The following SSBP1 variants were observed in gnomAD, a reference collection of about 807,000 sequenced individuals.
The protein encoded by SSBP1 is single-stranded DNA-binding protein, mitochondrial.
SSBP1 carries 20 observed loss-of-function variants against 27.0 expected under a neutral mutation model. The observed-to-expected ratio is 0.74, with a 90% confidence interval of 0.52 to 1.08. SSBP1 has a LOEUF of 1.08. SSBP1 is among the 50% of genes least tolerant of loss of function. The pLI is 0.00. For synonymous variants in SSBP1, 59 were observed against 59.3 expected, an observed-to-expected ratio of 1.00 and a Z score of 0.02; for missense variants, 137 against 182.4, an observed-to-expected ratio of 0.75 and a Z score of 1.44.
intron 2 of SSBP1, chr7:141,741,690 A>G (rs1799538396): frequency 1.2e-6 from 1 of 831,722 alleles, no homozygotes; most frequent in South Asian, 5.5e-5. Context: ...AAAAAAAAAA[A>G]TTAGAGGATG....
At position 141,750,440 on chromosome 7, in the gene SSBP1, T is replaced by A; in HGVS notation, c.*86T>A. The A allele has an allele frequency of 9.1e-7, 1 of 1,102,936 alleles. No homozygotes were observed. Among genetic ancestry groups the A allele is most frequent in the Non-Finnish European group, 1.3e-6 (1 of 768,120 alleles). The allele number at this position is 1,102,936 out of a possible 1,614,324, so 68.3% of individuals were successfully genotyped here. On this transcript the variant is annotated 3_prime_UTR_variant, in exon 7 of 7. Coordinates refer to ENST00000265304, the MANE Select transcript of SSBP1 (RefSeq NM_003143.3). ...CTTTATGGCTTCCAAGGACAAGAAT[T>A]AAAATACTCTTTTACGTAAAATGAG...
At chr7:141,742,128 C>T in intron 2 of SSBP1, 41 bp from the exon 3 acceptor site, 1 of 1,498,672 alleles carries the variant, frequency 6.7e-7, no homozygotes, top group African/African-American at 1.4e-5. Context: ...TTTGCCTTTC[C>T]TAAAAAATTA....
chr7:141,747,496 T>A (rs541700478), intron 6 of SSBP1, among the ~76,000 whole-genome samples: 162 of 150,700 alleles, frequency 1.1e-3, no homozygotes, highest in Admixed American at 2.7e-3. Context: ...TTCAAGCGAT[T>A]CTCCTGCCTC....
intron 5 of SSBP1, among the ~76,000 whole-genome samples, chr7:141,744,714 A>G (rs1234121154): frequency 2.0e-5 from 3 of 152,194 alleles, no homozygotes; most frequent in Non-Finnish European, 2.9e-5. Flanking sequence ...ATTGCCCTTT[A>G]TGTATGTTTA....
intron 2 of SSBP1, chr7:141,741,776 TTGG>T (rs1799542501): frequency 1.0e-6 from 1 of 999,756 alleles, no homozygotes; most frequent in African/African-American, 1.7e-5. Flanking sequence ...TTGAAAATAC[TTGG>T]CAGCAACTCT....
intron 2 of SSBP1, chr7:141,740,077 T>C (rs1475730118): frequency 1.3e-5 from 2 of 152,228 alleles, no homozygotes; most frequent in Non-Finnish European, 2.9e-5. Flanking sequence ...GAGACATTGT[T>C]ATTATAAATC....
chr7:141,743,153 A>T (rs1799628757), intron 3 of SSBP1, among the ~76,000 whole-genome samples: 1 of 152,186 alleles, frequency 6.6e-6, no homozygotes, highest in Non-Finnish European at 1.5e-5. Context: ...GCGCCCAGCC[A>T]GGTGTGGATT....
chr7:141,746,953 C>CTTGTTT (rs1430868522), intron 6 of SSBP1, among the ~76,000 whole-genome samples: 1 of 151,954 alleles, frequency 6.6e-6, no homozygotes, highest in African/African-American at 2.4e-5. Context: ...TTTCTTTGAA[C>CTTGTTT]TTGTTTTACT....
intron 6 of SSBP1, among the ~76,000 whole-genome samples, chr7:141,748,562 C>T (rs773155643): frequency 2.8e-4 from 43 of 152,122 alleles, no homozygotes; most frequent in Non-Finnish European, 4.7e-4. Context: ...CTGTGGGTCC[C>T]AATATAAACC....
At position 141,742,208 on chromosome 7, in the gene SSBP1, A is replaced by G. The variant is rs746865776; in HGVS notation, c.64A>G (p.Thr22Ala). Reference sequence around the variant, plus strand: ...TGTAAGACATGAGTCCGAAACAACTACCAGTTTGGTTCTTGAAAGATGTAA... The same window carrying G: ...TGTAAGACATGAGTCCGAAACAACTGCCAGTTTGGTTCTTGAAAGATGTAA... ...QFVRHESETT[T>A]SLVLERSLNR... The change falls in exon 3 of 7, where the codon ACC (threonine) becomes GCC (alanine). Residue 22 changes from threonine to alanine, a missense_variant. By Grantham distance (58) the Thr-to-Ala change is moderately conservative (BLOSUM62 0). This residue lies in a region of SSBP1 where 42 missense variants were observed against 30.4 expected (regional missense o/e 1.38). Coordinates refer to ENST00000265304, the MANE Select transcript of SSBP1 (RefSeq NM_003143.3). The G allele has an allele frequency of 2.4e-5, 38 of 1,604,780 alleles. No homozygotes were observed. Among genetic ancestry groups the G allele is most frequent in the Non-Finnish European group, 8.5e-7 (1 of 1,172,496 alleles).
In SSBP1 at chr7:141,739,134, A is replaced by T; in HGVS notation, c.-33A>T. 1 of 1,571,066 alleles carries T rather than the reference A, an allele frequency of 6.4e-7. No homozygotes were observed. The highest frequency in any genetic ancestry group is 2.3e-5 in the East Asian group (1 of 44,268). ...GTTTTTTTCCTTCAGGAAAAGCCTA[A>T]AGATTAGACTGTAAGAAAAGAAAAT... On this transcript the variant is annotated 5_prime_UTR_variant, in exon 2 of 7. Transcript: ENST00000265304.
At chr7:141,750,236 G>T in intron 6 of SSBP1, 75 bp from the exon 7 acceptor site, 1 of 1,062,056 alleles carries the variant, frequency 9.4e-7, no homozygotes, top group African/African-American at 1.6e-5. Context: ...AAAGTTATAT[G>T]TATTAGAGGA....
chr7:141,742,195 G>A lies in SSBP1; in HGVS notation c.51G>A (p.Glu17=). 2 of 1,602,934 alleles carry A rather than the reference G, an allele frequency of 1.2e-6. No individual in the cohort carries two copies. Among genetic ancestry groups the A allele is most frequent in the Non-Finnish European group, 1.7e-6 (2 of 1,170,980 alleles). Residue 17 remains glutamate, a synonymous_variant, in exon 3 of 7, where the codon GAG becomes GAA. Coordinates refer to ENST00000265304, the MANE Select transcript of SSBP1 (RefSeq NM_003143.3). ...LQVLRQFVRH[E]SETTTSLVLE... is the part of the protein sequence containing the mutation. The stretch of plus-strand genomic sequence containing the variant: ...TACTTCGTCAGTTTGTAAGACATGA[G>A]TCCGAAACAACTACCAGTTTGGTTC...
At chr7:141,742,253 A>G in intron 3 of SSBP1, 24 bp downstream of exon 3, 1 of 1,571,792 alleles carries the variant, frequency 6.4e-7, no homozygotes, top group Non-Finnish European at 8.7e-7. Flanking sequence ...TTCCAAGTTT[A>G]AAATGTTATT....
chr7:141,748,620 A>G (rs1178244090), intron 6 of SSBP1, among the ~76,000 whole-genome samples: 1 of 151,446 alleles, frequency 6.6e-6, no homozygotes, highest in Non-Finnish European at 1.5e-5. Context: ...AGTTGTTACT[A>G]ATAAGCCAAA....
chr7:141,744,483 G>T (rs1799693652), intron 5 of SSBP1, among the ~76,000 whole-genome samples: 1 of 152,168 alleles, frequency 6.6e-6, no homozygotes, highest in Non-Finnish European at 1.5e-5. Flanking sequence ...AGGCTTAATA[G>T]TTCCCTTTTG....
intron 6 of SSBP1, among the ~76,000 whole-genome samples, chr7:141,747,740 T>C (rs904672705): frequency 6.6e-6 from 1 of 151,336 alleles, no homozygotes; most frequent in African/African-American, 2.4e-5. Flanking sequence ...GGCTCACGCC[T>C]GTAATCCCAG....
At chr7:141,749,417 T>G (rs1334506491) in intron 6 of SSBP1, among the ~76,000 whole-genome samples, 2 of 152,244 alleles carry the variant, frequency 1.3e-5, no homozygotes, top group African/African-American at 4.8e-5. Context: ...AAGAGCAACG[T>G]CTGATATTTT....
At position 141,750,460 on chromosome 7, in the gene SSBP1, A is replaced by G; in HGVS notation, c.*106A>G. 1.1e-6 allele frequency: 1 copy of G among 908,536 alleles called. No individual in the cohort carries two copies. Among genetic ancestry groups the G allele is most frequent in the South Asian group, 1.9e-5 (1 of 53,060 alleles). The allele number at this position is 908,536 out of a possible 1,614,324, so 56.3% of individuals were successfully genotyped here. A position where few individuals can be genotyped will look rare whatever the true frequency, so the allele number is the denominator to read the frequency against. ...AGAATTAAAATACTCTTTTACGTAA[A>G]ATGAGTAATAATCTTTTTTCTGACT... On this transcript the variant is annotated 3_prime_UTR_variant, in exon 7 of 7. Transcript: ENST00000265304.
Sources: gnomAD v4.1 joint callset for allele counts (sites outside exome capture counted in the v4.1 genomes callset) on GRCh38, gnomAD v4.1.1 for gene constraint, gnomAD v4.1.1 regional missense constraint, MANE v1.5 for transcripts, NCBI Gene and HGNC (gene_info 2026-07-23, HGNC 2026-07-21) for gene names.